SFTPC: variants seen among roughly 807,000 people sequenced by gnomAD.
SFTPC encodes the protein surfactant protein C.
Under a neutral mutation model 19.9 loss-of-function variants are expected in SFTPC, and 12 were observed. The ratio of observed to expected loss-of-function variants is 0.60; its 90% CI spans 0.39 to 0.98. The LOEUF (loss-of-function observed/expected upper bound fraction) is 0.98. SFTPC is among the 50% of genes least tolerant of loss of function. The probability of loss-of-function intolerance (pLI) is 0.00; values close to 1 mark genes in which losing one functional copy is unlikely to be tolerated. For missense variants in SFTPC, 219 were observed against 252.2 expected (o/e 0.87, Z 0.89); for synonymous variants, 123 against 103.3 (o/e 1.19, Z -1.16).
upstream of SFTPC, among the ~76,000 whole-genome samples, chr8:22,160,115 G>A (rs1032837633): frequency 6.6e-6 from 1 of 152,238 alleles, no homozygotes; most frequent in African/African-American, 2.4e-5. Context: ...GGGTGAGGAG[G>A]GTGGTGGGAG....
upstream of SFTPC, chr8:22,159,704 G>A (rs1231588272): frequency 3.7e-5 from 40 of 1,075,850 alleles, 2 homozygotes; most frequent in South Asian, 2.5e-4. Flanking sequence ...AGCACCCAGC[G>A]ATGGCGGCAA....
chr8:22,159,964 C>A, upstream of SFTPC: 1 of 626,846 alleles, frequency 1.6e-6, no homozygotes, highest in Non-Finnish European at 2.5e-6. Context: ...CCACATCTGG[C>A]ACCTGCACAC....
Position 22,161,876 on chromosome 8 carries a change from T to C in SFTPC, c.42+6T>C. 2 of 1,613,376 alleles carry C rather than the reference T, an allele frequency of 1.2e-6. No homozygotes were observed. The highest frequency in any genetic ancestry group is 1.1e-5 in the South Asian group (1 of 91,046). The stretch of plus-strand genomic sequence containing the variant: ...TCCTGATGGAGAGCCCGCCGGTGAG[T>C]GTGGTTGCGTGTGTGTATGTATGTG... On this transcript the variant is annotated splice_donor_region_variant and intron_variant, in intron 1 of 5. Transcript: ENST00000679463.
chr8:22,158,080 A>G (rs1486973169), upstream of SFTPC, among the ~76,000 whole-genome samples: 4 of 152,220 alleles, frequency 2.6e-5, no homozygotes, highest in South Asian at 2.1e-4. Context: ...CTAAGAGCTC[A>G]TAGGCACGGG....
intron 3 of SFTPC, 69 bp downstream of exon 3, chr8:22,163,271 C>A: frequency 6.2e-7 from 1 of 1,600,776 alleles, no homozygotes; most frequent in Non-Finnish European, 8.6e-7. Context: ...CCAGCTGGGC[C>A]ACTTCATCCA....
chr8:22,162,218 A>G (rs1394799109), intron 1 of SFTPC, among the ~76,000 whole-genome samples: 1 of 152,106 alleles, frequency 6.6e-6, no homozygotes, highest in Non-Finnish European at 1.5e-5. Flanking sequence ...GAGAAGGAGG[A>G]AGGCATTCCA....
At chr8:22,163,766 C>G (rs760053190) in intron 4 of SFTPC, 135 bp from the exon 5 acceptor site, 2 of 937,692 alleles carry the variant, frequency 2.1e-6, no homozygotes, top group African/African-American at 3.2e-5. Context: ...GCTTCTGACT[C>G]TAGCACAGCC....
chr8:22,159,703 C>T (rs540938171), upstream of SFTPC: 1,479 of 1,050,708 alleles, frequency 1.4e-3, no homozygotes, highest in Non-Finnish European at 1.8e-3. Flanking sequence ...CAGCACCCAG[C>T]GATGGCGGCA....
chr8:22,162,425 T>C (rs1285506925), intron 1 of SFTPC, 149 bp from the exon 2 acceptor site: 1 of 854,252 alleles, frequency 1.2e-6, no homozygotes, highest in Non-Finnish European at 1.9e-6. Flanking sequence ...CAAGAAGCCT[T>C]CTCTGATCTC....
chr8:22,158,904 C>T (rs975826077), upstream of SFTPC: 5 of 152,320 alleles, frequency 3.3e-5, no homozygotes, highest in Admixed American at 1.3e-4. Context: ...CAAAGAAGCC[C>T]GCAGGAAGCG....
chr8:22,163,719 G>C (rs1410703593), intron 4 of SFTPC, 173 bp downstream of exon 4: 1 of 805,950 alleles, frequency 1.2e-6, no homozygotes, highest in South Asian at 1.4e-5. Context: ...CCACTGCCAA[G>C]CTGCTGGGCT....
upstream of SFTPC, among the ~76,000 whole-genome samples, chr8:22,160,824 G>T (rs1192644602): frequency 6.6e-6 from 1 of 152,228 alleles, no homozygotes; most frequent in East Asian, 1.9e-4. Flanking sequence ...CTTTGGGAAG[G>T]CACTAGGAAA....
rs79440568 is a variant in SFTPC, at chr8:22,162,567, G to C, written c.43-7G>C. On this transcript the variant is annotated splice_region_variant and splice_polypyrimidine_tract_variant and intron_variant, in intron 1 of 5. Coordinates refer to ENST00000679463, the MANE Select transcript of SFTPC (RefSeq NM_001317778.2). ...TGCCTGTCTCCTTGCCTGCCCCACCGTGTCAGGACTACTCCGCAGCTCCCC... is the reference window on the plus strand; with the variant it reads ...TGCCTGTCTCCTTGCCTGCCCCACCCTGTCAGGACTACTCCGCAGCTCCCC... 1 of 1,613,442 alleles carries C rather than the reference G, an allele frequency of 6.2e-7. No homozygotes were observed. Among genetic ancestry groups the C allele is most frequent in the Admixed American group, 1.7e-5 (1 of 60,012 alleles).
upstream of SFTPC, chr8:22,157,787 A>G (rs1475014246): frequency 6.6e-6 from 1 of 152,212 alleles, no homozygotes; most frequent in African/African-American, 2.4e-5. Context: ...TTTCTCTCTA[A>G]TTTTATTTTG....
chr8:22,159,522 C>A, upstream of SFTPC: 1 of 361,536 alleles, frequency 2.8e-6, no homozygotes, highest in Non-Finnish European at 5.4e-6. Context: ...AGGAGGCAGG[C>A]ACCCTCCCTC....
rs780345754 is a variant in SFTPC, at chr8:22,164,091, A to C, written c.*18+32A>C. 33 of 1,610,916 alleles carry C rather than the reference A, an allele frequency of 2.0e-5. No homozygotes were observed. The East Asian group carries it at 6.7e-4, about 33-fold the overall frequency. On this transcript the variant is annotated intron_variant, in intron 5 of 5. Coordinates refer to ENST00000679463, the MANE Select transcript of SFTPC (RefSeq NM_001317778.2). ...TCCCAGGGCCCCTGATCAGCAGCGGAGGAGCGCTCGGGCCACCTGCCCGGG... is the reference window on the plus strand; with the variant it reads ...TCCCAGGGCCCCTGATCAGCAGCGGCGGAGCGCTCGGGCCACCTGCCCGGG...
At chr8:22,163,809 G>A in intron 4 of SFTPC, 92 bp from the exon 5 acceptor site, 1 of 1,205,396 alleles carries the variant, frequency 8.3e-7, no homozygotes, top group Non-Finnish European at 1.2e-6. Flanking sequence ...GAGGCTCAGA[G>A]AGATTGCCTG....
rs1330954351 is a variant in SFTPC, at chr8:22,164,348, T to TGTCC, written c.*101_*102insGTCC. On this transcript the variant is annotated 3_prime_UTR_variant, in exon 6 of 6. Transcript: ENST00000679463. ...TTTTGCAGACGGGCAAGAAGCTGCT[T>TGTCC]CTGCCCACACCGCAGGGACAAGCCC... is the stretch of plus-strand genomic sequence containing the variant. 2.0e-6 allele frequency: 3 copies of TGTCC among 1,536,062 alleles called. No homozygotes were observed. The highest frequency in any genetic ancestry group is 2.6e-6 in the Non-Finnish European group (3 of 1,146,872).
intron 5 of SFTPC, 54 bp downstream of exon 5, chr8:22,164,113 C>G: frequency 6.2e-7 from 1 of 1,607,812 alleles, no homozygotes; most frequent in Non-Finnish European, 8.5e-7. Context: ...GCCACCTGCC[C>G]GGGCTGTGGA....
Sources: gnomAD v4.1 joint callset for allele counts (sites outside exome capture counted in the v4.1 genomes callset) on GRCh38, gnomAD v4.1.1 for gene constraint, MANE v1.5 for transcripts, NCBI Gene and HGNC (gene_info 2026-07-23, HGNC 2026-07-21) for gene names.